The following ZC2HC1A variants were observed in gnomAD, a reference collection of about 807,000 sequenced individuals.
The protein encoded by ZC2HC1A is zinc finger C2HC-type containing 1A.
ZC2HC1A carries 28 observed loss-of-function variants against 40.7 expected under a neutral mutation model. The ratio of observed to expected loss-of-function variants is 0.69; its 90% CI spans 0.51 to 0.94. The LOEUF is 0.94. Ranked by LOEUF, ZC2HC1A falls within the 40% of genes least tolerant of loss-of-function variation. ZC2HC1A has a pLI of 0.00. For synonymous variants in ZC2HC1A, 129 were observed against 129.2 expected, an observed-to-expected ratio of 1.00 and a Z score of 0.01; for missense variants, 389 against 386.3, an observed-to-expected ratio of 1.01 and a Z score of -0.06.
intron 5 of ZC2HC1A, among the ~76,000 whole-genome samples, chr8:78,693,626 A>T (rs1464452775): frequency 6.6e-6 from 1 of 151,996 alleles, no homozygotes; most frequent in Non-Finnish European, 1.5e-5. Context: ...TAGATTCTGG[A>T]TATTAGCCCT....
chr8:78,679,819 TG>T (rs1370681992), intron 3 of ZC2HC1A, among the ~76,000 whole-genome samples: 1 of 152,234 alleles, frequency 6.6e-6, no homozygotes, highest in Non-Finnish European at 1.5e-5. Flanking sequence ...TGTTCATTTT[TG>T]TTTTTTACTG....
At chr8:78,666,276 C>T (rs1809294029) in intron 1 of ZC2HC1A, 112 bp downstream of exon 1, 1 of 1,486,514 alleles carries the variant, frequency 6.7e-7, no homozygotes, top group African/African-American at 1.4e-5. Flanking sequence ...GCGGACCTCG[C>T]CGCGTCCCGC....
At chr8:78,667,217 G>T (rs1304128881) in intron 1 of ZC2HC1A, among the ~76,000 whole-genome samples, 7 of 152,202 alleles carry the variant, frequency 4.6e-5, no homozygotes, top group African/African-American at 1.7e-4. Flanking sequence ...AAAAGCAGAT[G>T]TAATAACATG....
intron 7 of ZC2HC1A, among the ~76,000 whole-genome samples, chr8:78,703,690 C>G (rs1203018138): frequency 1.3e-5 from 2 of 151,994 alleles, no homozygotes; most frequent in Non-Finnish European, 2.9e-5. Context: ...TGAGATGGGT[C>G]TCTTGAAGAC....
At chr8:78,679,829 T>A (rs1162763009) in intron 3 of ZC2HC1A, among the ~76,000 whole-genome samples, 1 of 152,212 alleles carries the variant, frequency 6.6e-6, no homozygotes, top group East Asian at 1.9e-4. Flanking sequence ...TGTTTTTTAC[T>A]GTGAACATTT....
chr8:78,713,758 G>A (rs1352218918), intron 7 of ZC2HC1A, among the ~76,000 whole-genome samples: 1 of 152,164 alleles, frequency 6.6e-6, no homozygotes, highest in Non-Finnish European at 1.5e-5. Flanking sequence ...TATGAGTTCT[G>A]TAATACAGCC....
intron 7 of ZC2HC1A, among the ~76,000 whole-genome samples, chr8:78,705,210 G>C (rs991146955): frequency 2.0e-5 from 3 of 152,216 alleles, no homozygotes; most frequent in African/African-American, 7.2e-5. Flanking sequence ...GGCTTTTTAA[G>C]TTTTCAGCAT....
chr8:78,677,960 T>C (rs1343792869), intron 2 of ZC2HC1A, among the ~76,000 whole-genome samples: 1 of 152,280 alleles, frequency 6.6e-6, no homozygotes, highest in African/African-American at 2.4e-5. Context: ...CTTCCTCTTT[T>C]TAAACCATAT....
intron 5 of ZC2HC1A, among the ~76,000 whole-genome samples, chr8:78,694,162 T>G (rs1364085627): frequency 6.6e-6 from 1 of 152,184 alleles, no homozygotes; most frequent in Non-Finnish European, 1.5e-5. Flanking sequence ...TTTTATAGTT[T>G]GCAATTTTCC....
chr8:78,680,229 G>A lies in ZC2HC1A; in HGVS notation c.210+1550G>A, dbSNP rs931566718. Among the ~76,000 whole-genome samples, 59 of 120,252 alleles carry A rather than the reference G, an allele frequency of 4.9e-4. 1 individual carries two copies. The Admixed American group carries it at 6.2e-3, about 13-fold the overall frequency. 78.9% of individuals were successfully genotyped at this position (120,252 alleles called of 152,430 possible). A position where few individuals can be genotyped will look rare whatever the true frequency, so the allele number is the denominator to read the frequency against. On this transcript the variant is annotated intron_variant, in intron 3 of 8. Transcript: ENST00000263849. Reference sequence around the variant, plus strand: ...TTGTAAACTTAAAAATTGAATTCTAGAAAAAAGCAAAGTACAGTCCGCAGT... The same window carrying A: ...TTGTAAACTTAAAAATTGAATTCTAAAAAAAAGCAAAGTACAGTCCGCAGT...
In ZC2HC1A at chr8:78,666,089, A is replaced by T. The variant is rs1039023851; in HGVS notation, c.-60A>T. On this transcript the variant is annotated 5_prime_UTR_variant, in exon 1 of 9. Coordinates refer to ENST00000263849, the MANE Select transcript of ZC2HC1A (RefSeq NM_016010.3). ...GAGGTGCGGCTGGGTTGCTACAGCC[A>T]GAGCTGGGCGGTGGCGGGCGCTGCT... 4.1e-5 allele frequency: 64 copies of T among 1,553,378 alleles called. No homozygotes were observed. In the African/African-American group the frequency reaches 7.6e-4, roughly 19 times the overall value.
chr8:78,681,953 G>A (rs1441759914), intron 3 of ZC2HC1A, among the ~76,000 whole-genome samples: 1 of 146,284 alleles, frequency 6.8e-6, no homozygotes, highest in African/African-American at 2.5e-5. Context: ...TGTTGACCAG[G>A]CTGGTGTTGA....
chr8:78,687,814 A>AAT (rs1334634175), intron 4 of ZC2HC1A, among the ~76,000 whole-genome samples: 2 of 132,360 alleles, frequency 1.5e-5, no homozygotes, highest in African/African-American at 2.8e-5. Flanking sequence ...TCATGTAATA[A>AAT]ATATATATAT....
intron 7 of ZC2HC1A, among the ~76,000 whole-genome samples, chr8:78,709,488 A>G (rs927557776): frequency 6.6e-6 from 1 of 152,140 alleles, no homozygotes. Flanking sequence ...TCTTATGTGG[A>G]TAACAATGAT....
At chr8:78,670,662 G>A (rs964742685) in intron 1 of ZC2HC1A, among the ~76,000 whole-genome samples, 2 of 152,164 alleles carry the variant, frequency 1.3e-5, no homozygotes, top group African/African-American at 4.8e-5. Context: ...ATTAAGAAAA[G>A]CAAGTCACTC....
At chr8:78,684,280 G>A (rs538854130) in intron 3 of ZC2HC1A, among the ~76,000 whole-genome samples, 7 of 152,206 alleles carry the variant, frequency 4.6e-5, no homozygotes, top group Non-Finnish European at 7.3e-5. Context: ...TCAGTTTCAC[G>A]TGTCTGGGGA....
chr8:78,673,722 C>T (rs1008895444), intron 1 of ZC2HC1A, among the ~76,000 whole-genome samples: 3 of 152,196 alleles, frequency 2.0e-5, no homozygotes, highest in Admixed American at 2.0e-4. Context: ...CATCAACACA[C>T]ATGCACATGC....
intron 3 of ZC2HC1A, among the ~76,000 whole-genome samples, chr8:78,684,452 G>GATTCAATTACATCCTA (rs1469572624): frequency 2.6e-5 from 4 of 152,182 alleles, no homozygotes; most frequent in Non-Finnish European, 5.9e-5. Flanking sequence ...CTGCCCCCGT[G>GATTCAATTACATCCTA]ATTCAATTAC....
intron 7 of ZC2HC1A, among the ~76,000 whole-genome samples, chr8:78,704,589 C>T (rs886921582): frequency 1.1e-4 from 16 of 152,060 alleles, no homozygotes; most frequent in African/African-American, 3.6e-4. Flanking sequence ...GGATGATCAT[C>T]TCATGAGTAT....
Sources: gnomAD v4.1 joint callset for allele counts (sites outside exome capture counted in the v4.1 genomes callset) on GRCh38, gnomAD v4.1.1 for gene constraint, MANE v1.5 for transcripts, NCBI Gene and HGNC (gene_info 2026-07-23, HGNC 2026-07-21) for gene names.